ABCB6: variants seen among roughly 807,000 people sequenced by gnomAD.
ABCB6 encodes the protein ATP binding cassette subfamily B member 6 (LAN blood group).
A neutral mutation model predicts 99.4 loss-of-function variants in ABCB6; 87 were observed. That is an observed-to-expected ratio of 0.88 (90% confidence interval 0.74 to 1.05). The LOEUF is 1.05. ABCB6 is among the 50% of genes least tolerant of loss of function. The pLI, the probability that ABCB6 is intolerant of heterozygous loss-of-function variation, is 0.00. For missense variants in ABCB6, 1,050 were observed against 1,097.9 expected, an observed-to-expected ratio of 0.96 and a Z score of 0.62; for synonymous variants, 482 against 447.5, an observed-to-expected ratio of 1.08 and a Z score of -0.97.
At chr2:219,217,186 C>T (rs1239115476) in intron 2 of ABCB6, among the ~76,000 whole-genome samples, 2 of 152,014 alleles carry the variant, frequency 1.3e-5, no homozygotes, top group Non-Finnish European at 2.9e-5. Context: ...TGGTGAAACC[C>T]CATCTCCACT....
Position 219,216,288 on chromosome 2 carries a change from T to C in ABCB6, c.970+76A>G. 6.3e-7 allele frequency: 1 copy of C among 1,588,364 alleles called. No homozygotes were observed. Among genetic ancestry groups the C allele is most frequent in the South Asian group, 1.1e-5 (1 of 89,820 alleles). On this transcript the variant is annotated intron_variant, in intron 4 of 18. Coordinates refer to ENST00000265316, the MANE Select transcript of ABCB6 (RefSeq NM_005689.4). The surrounding 1 kb of genome is among the most constrained non-coding windows in gnomAD (Gnocchi z 4.2). Reference sequence around the variant, plus strand: ...GTACATGGGGGCTGGGGAGGAATGCTGGGAGAGGCGGATGCTGAGGGAATG... The same window carrying C: ...GTACATGGGGGCTGGGGAGGAATGCCGGGAGAGGCGGATGCTGAGGGAATG...
rs1185042108 is a variant in ABCB6, at chr2:219,218,658, T to G, written c.16A>C (p.Asn6His). Reference protein sequence around the residue: MVTVGNYCEAEGPVGP... With the variant: MVTVGHYCEAEGPVGP... Reference sequence around the variant, plus strand: ...ACGGGCCCTTCGGCCTCGCAGTAGTTGCCCACAGTCACCATGGCAATGCGT... The same window carrying G: ...ACGGGCCCTTCGGCCTCGCAGTAGTGGCCCACAGTCACCATGGCAATGCGT... Residue 6 changes from asparagine (N) to histidine (H), a missense_variant, in exon 1 of 19, where the codon AAC becomes CAC. Physicochemically the swap from Asn to His is moderately conservative, Grantham distance 68. Coordinates refer to ENST00000265316, the MANE Select transcript of ABCB6 (RefSeq NM_005689.4). 1 of 1,582,556 alleles carries G rather than the reference T, an allele frequency of 6.3e-7. No individual in the cohort carries two copies. The highest frequency in any genetic ancestry group is 2.3e-5 in the East Asian group (1 of 44,224).
Position 219,216,378 on chromosome 2 carries a change from C to T in ABCB6, c.956G>A (p.Gly319Asp). The change falls in exon 4 of 19, where the codon GGC (glycine) becomes GAC (aspartate). Residue 319 changes from glycine to aspartate, a missense_variant. Gly to Asp is a moderately conservative substitution (Grantham distance 94). Coordinates refer to ENST00000265316, the MANE Select transcript of ABCB6 (RefSeq NM_005689.4). The surrounding 1 kb of genome is among the most constrained non-coding windows in gnomAD (Gnocchi z 4.2). ...GTCTCTCATACCTGTACTGCCAGTG[C>T]CACCCCCCTGGAGGAACTTGAGGAA... ...YVFLKFLQGGGTGSTGFVSNL... is the reference protein window; with the variant it reads ...YVFLKFLQGGDTGSTGFVSNL... 6.2e-7 allele frequency: 1 copy of T among 1,613,852 alleles called. No homozygotes were observed. The highest frequency in any genetic ancestry group is 1.3e-5 in the African/African-American group (1 of 75,002).
chr2:219,214,776 C>T (rs1003907383), intron 6 of ABCB6, 185 bp downstream of exon 6: 5 of 693,426 alleles, frequency 7.2e-6, no homozygotes, highest in Non-Finnish European at 1.2e-5. Context: ...TTCCCCAGCC[C>T]CTCAGCTAGG....
Position 219,218,315 on chromosome 2 carries a change from C to T in ABCB6, c.359G>A (p.Cys120Tyr). 1 of 1,613,332 alleles carries T rather than the reference C, an allele frequency of 6.2e-7. No individual in the cohort carries two copies. Among genetic ancestry groups the T allele is most frequent in the South Asian group, 1.1e-5 (1 of 91,088 alleles). Residue 120 changes from cysteine (C) to tyrosine (Y), a missense_variant, in exon 1 of 19, where the codon TGT (cysteine) becomes TAT (tyrosine). Cys to Tyr is a radical substitution (Grantham distance 194). Transcript: ENST00000265316. ...CTCCACGACAAGCAGCCACAGGCCA[C>T]AGGCGCCGGCCAGACTCTCCAGCAC... ...ASVLESLAGA[C>Y]GLWLLVVERS...
At chr2:219,211,258 C>T (rs1950575792) in intron 14 of ABCB6, 150 bp from the exon 15 acceptor site, 2 of 784,540 alleles carry the variant, frequency 2.5e-6, no homozygotes, top group Non-Finnish European at 4.1e-6. Flanking sequence ...GCAAATCACT[C>T]CTCTCTGTTT....
At position 219,213,238 on chromosome 2, in the gene ABCB6, C is replaced by T. The variant is rs1950599639; in HGVS notation, c.1805+3G>A. ...AGCAAAGGAAGCAAAAGGAAGGCCT[C>T]ACCCATCGGCATAGCTGAAGTGCAC... On this transcript the variant is annotated splice_donor_region_variant and intron_variant, in intron 12 of 18. Coordinates refer to ENST00000265316, the MANE Select transcript of ABCB6 (RefSeq NM_005689.4). 1.2e-6 allele frequency: 2 copies of T among 1,614,018 alleles called. No homozygotes were observed. Among genetic ancestry groups the T allele is most frequent in the Non-Finnish European group, 1.7e-6 (2 of 1,180,018 alleles).
chr2:219,214,435 T>G lies in ABCB6; in HGVS notation c.1340A>C (p.Asn447Thr). 6.2e-7 allele frequency: 1 copy of G among 1,614,186 alleles called. No homozygotes were observed. The highest frequency in any genetic ancestry group is 8.5e-7 in the Non-Finnish European group (1 of 1,180,034). Reference sequence around the variant, plus strand: ...GTCCACTGCTCGTGCCCGGGTAGCGTTCTCCTGTGTGTTCATAGCACGACG... The same window carrying G: ...GTCCACTGCTCGTGCCCGGGTAGCGGTCTCCTGTGTGTTCATAGCACGACG... ...KFRRAMNTQE[N>T]ATRARAVDSL... The change falls in exon 7 of 19, where the codon AAC (asparagine) becomes ACC (threonine). Residue 447 changes from asparagine to threonine, a missense_variant. Transcript: ENST00000265316.
intron 5 of ABCB6, 33 bp downstream of exon 5, chr2:219,215,963 AC>A: frequency 6.6e-7 from 1 of 1,510,914 alleles, no homozygotes; most frequent in East Asian, 2.3e-5. Context: ...CTCCGGCTCC[AC>A]CCTCCCACAT....
In ABCB6 at chr2:219,210,004, C is replaced by T. The variant is rs755306736; in HGVS notation, c.2463G>A (p.Met821Ile). 1.2e-6 allele frequency: 2 copies of T among 1,614,196 alleles called. No individual in the cohort carries two copies. Among genetic ancestry groups the T allele is most frequent in the South Asian group, 2.2e-5 (2 of 91,080 alleles). ...LLSRGGVYAD[M>I]WQLQQGQEET... The stretch of plus-strand genomic sequence containing the variant: ...CTTCCTGTCCCTGCTGCAGCTGCCA[C>T]ATGTCAGCATACACCCCACCTCGGG... Residue 821 changes from methionine to isoleucine, a missense_variant, in exon 19 of 19, where the codon ATG becomes ATA. Transcript: ENST00000265316.
At position 219,210,918 on chromosome 2, in the gene ABCB6, C is replaced by T; in HGVS notation, c.2143+16G>A. 2.5e-6 allele frequency: 4 copies of T among 1,613,994 alleles called. No homozygotes were observed. The highest frequency in any genetic ancestry group is 2.2e-5 in the South Asian group (2 of 91,058). ...CACCAGGAGGGGAGGGGACTCTCTG[C>T]AAAGGAATCTCTCACCTTCAGGGAA... On this transcript the variant is annotated intron_variant, in intron 15 of 18. Transcript: ENST00000265316.
At position 219,214,498 on chromosome 2, in the gene ABCB6, G is replaced by A; in HGVS notation, c.1277C>T (p.Thr426Ile). The change falls in exon 7 of 19, where the codon ACC (threonine) becomes ATC (isoleucine). Residue 426 changes from threonine to isoleucine, a missense_variant and splice_region_variant. Thr to Ile is a moderately conservative substitution (Grantham distance 89). Coordinates refer to ENST00000265316, the MANE Select transcript of ABCB6 (RefSeq NM_005689.4). ...IVFLCMSLYLTLTIVVTEWRT... is the reference protein window; with the variant it reads ...IVFLCMSLYLILTIVVTEWRT... ...CCACTCAGTGACCACAATGGTCAGG[G>A]CTGGAGAGTGACAGGATGGGGAGCA... 1 of 1,609,898 alleles carries A rather than the reference G, an allele frequency of 6.2e-7. No individual in the cohort carries two copies. Among genetic ancestry groups the A allele is most frequent in the Non-Finnish European group, 8.5e-7 (1 of 1,176,172 alleles).
chr2:219,216,888 C>T lies in ABCB6; in HGVS notation c.688-56G>A. ...TCAGAAATCAAGTAAGTGCACTAGCCAGAAACCCTTCAGGGAAAAACCTAT... is the reference window on the plus strand; with the variant it reads ...TCAGAAATCAAGTAAGTGCACTAGCTAGAAACCCTTCAGGGAAAAACCTAT... On this transcript the variant is annotated intron_variant, in intron 2 of 18. Transcript: ENST00000265316. The surrounding 1 kb of genome is among the most constrained non-coding windows in gnomAD (Gnocchi z 4.2). 1 of 1,503,084 alleles carries T rather than the reference C, an allele frequency of 6.7e-7. No homozygotes were observed. Among genetic ancestry groups the T allele is most frequent in the South Asian group, 1.3e-5 (1 of 79,372 alleles). 93.1% of individuals were successfully genotyped at this position (1,503,084 alleles called of 1,614,324 possible).
chr2:219,214,552 A>G, intron 6 of ABCB6, 54 bp from the exon 7 acceptor site: 1 of 1,330,240 alleles, frequency 7.5e-7, no homozygotes, highest in Non-Finnish European at 1.1e-6. Context: ...AAAAGCAGAG[A>G]CCAAATGTCA....
intron 1 of ABCB6, 139 bp from the exon 2 acceptor site, chr2:219,217,946 C>T: frequency 7.4e-7 from 1 of 1,346,282 alleles, no homozygotes; most frequent in African/African-American, 1.5e-5. Context: ...AGCAAAACCA[C>T]AGTGACTCAG....
At position 219,218,694 on chromosome 2, in the gene ABCB6, C is replaced by T. The variant is rs1281008219; in HGVS notation, c.-21G>A. ...ACCATGGCAATGCGTGGACGCCGGC[C>T]GAGGCTGCGGGCACTGCGGGACCGG... On this transcript the variant is annotated 5_prime_UTR_variant, in exon 1 of 19. Transcript: ENST00000265316. The T allele has an allele frequency of 2.0e-6, 3 of 1,526,122 alleles. No individual in the cohort carries two copies. The highest frequency in any genetic ancestry group is 2.6e-6 in the Non-Finnish European group (3 of 1,135,506). The allele number at this position is 1,526,122 out of a possible 1,614,324, so 94.5% of individuals were successfully genotyped here. A position where few individuals can be genotyped will look rare whatever the true frequency, so the allele number is the denominator to read the frequency against.
rs112305466 is a variant in ABCB6 at position 219,218,710 on chromosome 2, G to A, written c.-37C>T. On this transcript the variant is annotated 5_prime_UTR_variant, in exon 1 of 19. Coordinates refer to ENST00000265316, the MANE Select transcript of ABCB6 (RefSeq NM_005689.4). Reference sequence around the variant, plus strand: ...GACGCCGGCCGAGGCTGCGGGCACTGCGGGACCGGAGGCCGGGACTGGTCA... The same window carrying A: ...GACGCCGGCCGAGGCTGCGGGCACTACGGGACCGGAGGCCGGGACTGGTCA... 74 of 1,511,500 alleles carry A rather than the reference G, an allele frequency of 4.9e-5. 2 individuals are homozygous for A. In the African/African-American group the frequency reaches 6.4e-4, roughly 13 times the overall value. The allele number at this position is 1,511,500 out of a possible 1,614,324, so 93.6% of individuals were successfully genotyped here.
At chr2:219,214,712 C>T (rs537882642) in intron 6 of ABCB6, 253 of 626,794 alleles carry the variant, frequency 4.0e-4, no homozygotes, top group Non-Finnish European at 6.0e-4. Flanking sequence ...GTTACACAAA[C>T]GAGGCTTCCT....
At position 219,218,924 on chromosome 2, in the gene ABCB6, C is replaced by T. The variant is rs1327371397; in HGVS notation, c.-251G>A. 8 of 472,788 alleles carry T rather than the reference C, an allele frequency of 1.7e-5. No homozygotes were observed. The highest frequency in any genetic ancestry group is 1.0e-4 in the African/African-American group (5 of 48,592). 29.3% of individuals were successfully genotyped at this position (472,788 alleles called of 1,614,324 possible). A position where few individuals can be genotyped will look rare whatever the true frequency, so the allele number is the denominator to read the frequency against. On this transcript the variant is annotated 5_prime_UTR_variant, in exon 1 of 19. Coordinates refer to ENST00000265316, the MANE Select transcript of ABCB6 (RefSeq NM_005689.4). ...AGCACGGCCCCGCTGGCTCTGGGCC[C>T]GGGACCCTCCTGCCAACTGCAGGCC...
Sources: gnomAD v4.1 joint callset for allele counts (sites outside exome capture counted in the v4.1 genomes callset) on GRCh38, gnomAD v4.1.1 for gene constraint, Gnocchi (gnomAD v3.1) non-coding constraint, MANE v1.5 for transcripts, NCBI Gene and HGNC (gene_info 2026-07-23, HGNC 2026-07-21) for gene names.